The following SHQ1 variants were observed in gnomAD, a reference collection of about 807,000 sequenced individuals.
SHQ1 encodes SHQ1, H/ACA ribonucleoprotein assembly factor.
A neutral mutation model predicts 53.8 loss-of-function variants in SHQ1; 49 were observed. The observed-to-expected ratio is 0.91, with a 90% confidence interval of 0.72 to 1.16. The LOEUF is 1.16. Among genes scored for constraint, SHQ1 ranks in the 50% most tolerant of loss-of-function variants. The pLI is 0.00. For synonymous variants in SHQ1, 243 were observed against 251.0 expected, an observed-to-expected ratio of 0.97 and a Z score of 0.30; for missense variants, 738 against 683.1, an observed-to-expected ratio of 1.08 and a Z score of -0.90.
In SHQ1 at chr3:72,750,471, T is replaced by C; in HGVS notation, c.1547A>G (p.Gln516Arg). 1 of 1,614,200 alleles carries C rather than the reference T, an allele frequency of 6.2e-7. No individual in the cohort carries two copies. Among genetic ancestry groups the C allele is most frequent in the South Asian group, 1.1e-5 (1 of 91,076 alleles). Residue 516 changes from glutamine (Q) to arginine (R), a missense_variant, in exon 11 of 11, where the codon CAG becomes CGG. Coordinates refer to ENST00000325599, the MANE Select transcript of SHQ1 (RefSeq NM_018130.3). ...DGGVRRNTAI[Q>R]ESDASQGKPL... ...CTTTCCCTGACTGGCATCAGACTCC[T>C]GGATGGCTGTGTTTCTGCGTACTCC... is the stretch of plus-strand genomic sequence containing the variant.
chr3:72,750,639 GA>G lies in SHQ1; in HGVS notation c.1378del (p.Ser460GlnfsTer79). 6.2e-7 allele frequency: 1 copy of G among 1,614,054 alleles called. No homozygotes were observed. The highest frequency in any genetic ancestry group is 8.5e-7 in the Non-Finnish European group (1 of 1,179,950). On this transcript the variant is annotated frameshift_variant, in exon 11 of 11. Coordinates refer to ENST00000325599, the MANE Select transcript of SHQ1 (RefSeq NM_018130.3). LOFTEE classifies it low-confidence loss of function (END_TRUNC). ...SSSEASDSED[S>X]DSSVSSGNED... ...GTTTCCAGATGACACGCTGCTGTCT[GA>G]GTCCTCCGAATCACTTGCCTCAGAG...
At chr3:72,824,322 TA>T in intron 6 of SHQ1, 101 bp downstream of exon 6, 1 of 1,365,530 alleles carries the variant, frequency 7.3e-7, no homozygotes, top group Non-Finnish European at 9.9e-7. Flanking sequence ...TTTAACATTA[TA>T]AGGCAATTAC....
chr3:72,831,079 T>C (rs764478825), intron 5 of SHQ1, among the ~76,000 whole-genome samples: 10 of 152,228 alleles, frequency 6.6e-5, no homozygotes, highest in Non-Finnish European at 1.5e-4. Context: ...TTTCTTCAAA[T>C]TGCTCTTCAG....
At chr3:72,837,454 T>G (rs1286216144) in intron 4 of SHQ1, among the ~76,000 whole-genome samples, 1 of 152,230 alleles carries the variant, frequency 6.6e-6, no homozygotes, top group Non-Finnish European at 1.5e-5. Context: ...ATTTTTTTAC[T>G]TTCTTCTTTG....
chr3:72,761,905 T>C (rs1051230537), intron 10 of SHQ1, among the ~76,000 whole-genome samples: 2 of 152,214 alleles, frequency 1.3e-5, no homozygotes, highest in Admixed American at 6.5e-5. Flanking sequence ...TTTACTTTAA[T>C]CGTCAAACGA....
intron 9 of SHQ1, among the ~76,000 whole-genome samples, chr3:72,802,879 AAG>A (rs993644894): frequency 6.6e-6 from 1 of 152,176 alleles, no homozygotes; most frequent in African/African-American, 2.4e-5. Flanking sequence ...AAGTAGTCAA[AAG>A]AGAGGCAGGG....
chr3:72,738,544 G>C, the SHQ1 span, among the ~76,000 whole-genome samples: 1 of 152,236 alleles, frequency 6.6e-6, no homozygotes, highest in South Asian at 2.1e-4. Flanking sequence ...TGGGGATGGG[G>C]GTGGGATGGG....
At chr3:72,778,986 G>A (rs1022760940) in intron 10 of SHQ1, among the ~76,000 whole-genome samples, 2 of 152,218 alleles carry the variant, frequency 1.3e-5, no homozygotes, top group South Asian at 2.1e-4. Flanking sequence ...CTACACTCAC[G>A]CCTCATAAGG....
chr3:72,763,165 C>T (rs1235001115), intron 10 of SHQ1, among the ~76,000 whole-genome samples: 1 of 151,968 alleles, frequency 6.6e-6, no homozygotes, highest in Non-Finnish European at 1.5e-5. Flanking sequence ...GTAAAAAACA[C>T]CTTTGTAGGA....
intron 10 of SHQ1, among the ~76,000 whole-genome samples, chr3:72,790,641 T>A (rs1254402037): frequency 6.6e-6 from 1 of 152,142 alleles, no homozygotes; most frequent in Non-Finnish European, 1.5e-5. Context: ...AAGAAAATAC[T>A]AGAAAGCTCA....
intron 10 of SHQ1, chr3:72,772,822 GAGA>G: frequency 1.3e-6 from 1 of 768,120 alleles, no homozygotes; most frequent in South Asian, 1.4e-5. Flanking sequence ...TGAAAACTCA[GAGA>G]AGAATGAGCC....
At chr3:72,795,684 C>T (rs939261220) in intron 9 of SHQ1, 6 of 152,160 alleles carry the variant, frequency 3.9e-5, no homozygotes, top group Admixed American at 3.3e-4. Context: ...AAATGTCAAT[C>T]GTAAGTCTTT....
chr3:72,741,321 C>T, the SHQ1 span, among the ~76,000 whole-genome samples: 1 of 152,180 alleles, frequency 6.6e-6, no homozygotes, highest in African/African-American at 2.4e-5. Context: ...CACAGTGGCT[C>T]ATGCCTGTAA....
At chr3:72,793,335 GTC>G (rs1305922158) in intron 9 of SHQ1, 1 of 187,032 alleles carries the variant, frequency 5.3e-6, no homozygotes, top group African/African-American at 2.4e-5. Flanking sequence ...GTGAAACCCT[GTC>G]TCTACTAAAA....
chr3:72,790,981 T>A (rs537720268), intron 10 of SHQ1, among the ~76,000 whole-genome samples: 1 of 152,102 alleles, frequency 6.6e-6, no homozygotes, highest in African/African-American at 2.4e-5. Flanking sequence ...TCCCACAACA[T>A]AAAACCAAGA....
rs60876437 is a variant in SHQ1 at position 72,751,539 on chromosome 3, T to TACAC, written c.1182-707_1182-704dup. Among the ~76,000 whole-genome samples, 789 of 120,082 alleles carry TACAC rather than the reference T, an allele frequency of 6.6e-3. 25 individuals are homozygous for TACAC. Among genetic ancestry groups the TACAC allele is most frequent in the Non-Finnish European group, 7.9e-3 (459 of 58,150 alleles). The allele number at this position is 120,082 out of a possible 152,430, so 78.8% of individuals were successfully genotyped here. A position where few individuals can be genotyped will look rare whatever the true frequency, so the allele number is the denominator to read the frequency against. ...ATATATATATATATATACATATACA[T>TACAC]ACACTAATAAAGCCTAACTCTCCTA... On this transcript the variant is annotated intron_variant, in intron 10 of 10. Coordinates refer to ENST00000325599, the MANE Select transcript of SHQ1 (RefSeq NM_018130.3).
At chr3:72,745,532 C>G (rs1187498532), downstream of SHQ1, among the ~76,000 whole-genome samples, 2 of 152,174 alleles carry the variant, frequency 1.3e-5, no homozygotes, top group Admixed American at 1.3e-4. Flanking sequence ...ATTAATATTT[C>G]TATCTAATCT....
intron 9 of SHQ1, among the ~76,000 whole-genome samples, chr3:72,802,948 T>C (rs1348158891): frequency 6.6e-6 from 1 of 152,160 alleles, no homozygotes; most frequent in African/African-American, 2.4e-5. Flanking sequence ...ATGCGGGACA[T>C]CTCTTACCTC....
the SHQ1 span, among the ~76,000 whole-genome samples, chr3:72,730,017 A>G: frequency 6.6e-6 from 1 of 151,256 alleles, no homozygotes; most frequent in Non-Finnish European, 1.5e-5. Flanking sequence ...ACGGGGTTTC[A>G]CCGTGTTAGC....
Sources: allele counts gnomAD v4.1 joint callset (sites outside exome capture counted in the v4.1 genomes callset), GRCh38; gene constraint gnomAD v4.1.1; transcripts MANE v1.5; gene names NCBI Gene and HGNC (gene_info 2026-07-23, HGNC 2026-07-21).